The following C1orf21 variants were observed in gnomAD, a reference collection of about 807,000 sequenced individuals.
C1orf21 encodes chromosome 1 open reading frame 21.
In C1orf21, 3 loss-of-function variants were observed where a neutral mutation model predicts 18.7. The observed-to-expected ratio is 0.16, with a 90% CI of 0.07 to 0.42. The LOEUF (loss-of-function observed/expected upper bound fraction) is 0.42. C1orf21 is among the 10% of genes least tolerant of loss of function. The pLI is 0.99. For missense variants in C1orf21, 104 were observed against 143.6 expected (o/e 0.72, Z 1.41); for synonymous variants, 41 against 46.4 (o/e 0.88, Z 0.47).
At chr1:184,559,537 T>C (rs188323991) in intron 3 of C1orf21, among the ~76,000 whole-genome samples, 33 of 120,432 alleles carry the variant, frequency 2.7e-4, no homozygotes, top group African/African-American at 1.1e-3. Context: ...CTTCCTTCCT[T>C]CCTTCCTTCC....
intron 1 of C1orf21, among the ~76,000 whole-genome samples, chr1:184,392,819 CTTTTTTTTTTTT>C (rs397861528): frequency 1.0e-5 from 1 of 96,822 alleles, no homozygotes; most frequent in African/African-American, 4.1e-5. Flanking sequence ...GACATTCCTC[CTTTTTTTTTTTT>C]TTTTTTTTTT....
chr1:184,622,163 A>T lies in C1orf21; in HGVS notation c.*2607A>T, dbSNP rs1659926897. 6.6e-6 allele frequency: 1 copy of T among 152,252 alleles called. No individual in the cohort carries two copies. The highest frequency in any genetic ancestry group is 2.4e-5 in the African/African-American group (1 of 41,464). 9.4% of individuals were successfully genotyped at this position (152,252 alleles called of 1,614,324 possible). ...CACAATGAAAAGGATAATCCAATGT[A>T]CGTGCTGGTGCACTCTGCTAGTTGT... On this transcript the variant is annotated 3_prime_UTR_variant, in exon 6 of 6. Transcript: ENST00000235307.
chr1:184,595,455 A>C (rs184891043), intron 4 of C1orf21, among the ~76,000 whole-genome samples: 1 of 152,326 alleles, frequency 6.6e-6, no homozygotes, highest in Non-Finnish European at 1.5e-5. Flanking sequence ...AGGTAAACAC[A>C]TATTCATGGT....
At chr1:184,449,163 T>TA (rs1408368808) in intron 1 of C1orf21, among the ~76,000 whole-genome samples, 4 of 152,192 alleles carry the variant, frequency 2.6e-5, no homozygotes, top group East Asian at 1.9e-4. Context: ...ACTCGTCATT[T>TA]ACATTAGGTG....
intron 3 of C1orf21, among the ~76,000 whole-genome samples, chr1:184,514,368 C>G (rs890433041): frequency 3.9e-5 from 6 of 152,012 alleles, no homozygotes; most frequent in African/African-American, 1.4e-4. Flanking sequence ...GTATATATAC[C>G]TTTAACTCAC....
At chr1:184,396,677 G>A (rs769177809) in intron 1 of C1orf21, among the ~76,000 whole-genome samples, 20 of 151,976 alleles carry the variant, frequency 1.3e-4, no homozygotes, top group African/African-American at 1.9e-4. Flanking sequence ...TCATTTTCTC[G>A]GAATCATTCA....
In C1orf21 at chr1:184,627,421, A is replaced by G. The variant is rs904497033; in HGVS notation, c.*7865A>G. ...CAGAAACTCAAGAAAAAGCTCAAAC[A>G]GAAGACAGTTCCCCTGAGAGGCTGG... is the stretch of plus-strand genomic sequence containing the variant. On this transcript the variant is annotated 3_prime_UTR_variant, in exon 6 of 6. Transcript: ENST00000235307. 1.3e-5 allele frequency: 2 copies of G among 152,220 alleles called. No individual in the cohort carries two copies. Among genetic ancestry groups the G allele is most frequent in the African/African-American group, 4.8e-5 (2 of 41,428 alleles). The allele number at this position is 152,220 out of a possible 1,614,324, so 9.4% of individuals were successfully genotyped here. A position where few individuals can be genotyped will look rare whatever the true frequency, so the allele number is the denominator to read the frequency against.
intron 5 of C1orf21, among the ~76,000 whole-genome samples, chr1:184,604,116 G>A (rs533850969): frequency 1.3e-5 from 2 of 152,234 alleles, no homozygotes; most frequent in African/African-American, 2.4e-5. Flanking sequence ...TGGGTTCTAC[G>A]TGTAAACGAT....
At chr1:184,596,048 A>G (rs1443312345) in intron 4 of C1orf21, among the ~76,000 whole-genome samples, 2 of 152,172 alleles carry the variant, frequency 1.3e-5, no homozygotes, top group African/African-American at 2.4e-5. Context: ...CAAGCTCCTG[A>G]TAGGGATCCC....
chr1:184,489,171 G>T (rs1657777281), intron 2 of C1orf21, among the ~76,000 whole-genome samples: 1 of 152,086 alleles, frequency 6.6e-6, no homozygotes. Flanking sequence ...AAAGACAAAT[G>T]TCAAACTGAG....
chr1:184,620,307 C>CATTTTACT lies in C1orf21; in HGVS notation c.*752_*759dup, dbSNP rs1659897239. 1 of 152,472 alleles carries CATTTTACT rather than the reference C, an allele frequency of 6.6e-6. No homozygotes were observed. The highest frequency in any genetic ancestry group is 1.5e-5 in the Non-Finnish European group (1 of 68,014). The allele number at this position is 152,472 out of a possible 1,614,324, so 9.4% of individuals were successfully genotyped here. A position where few individuals can be genotyped will look rare whatever the true frequency, so the allele number is the denominator to read the frequency against. On this transcript the variant is annotated 3_prime_UTR_variant, in exon 6 of 6. Coordinates refer to ENST00000235307, the MANE Select transcript of C1orf21 (RefSeq NM_030806.4). ...TCACTTTTTTTTCTAAGAAAATAAA[C>CATTTTACT]ATTTTACTGTTTTTATGGATCCTTG... is the stretch of plus-strand genomic sequence containing the variant.
intron 2 of C1orf21, among the ~76,000 whole-genome samples, chr1:184,478,974 CATT>C (rs1657612867): frequency 6.6e-6 from 1 of 151,594 alleles, no homozygotes; most frequent in South Asian, 2.1e-4. Context: ...GCTTTTGGTT[CATT>C]GTAATGATTG....
chr1:184,614,491 T>C (rs1218294446), intron 5 of C1orf21, among the ~76,000 whole-genome samples: 1 of 138,188 alleles, frequency 7.2e-6, no homozygotes, highest in Non-Finnish European at 1.5e-5. Context: ...TGACACTGAA[T>C]GGCAAGGCCT....
At chr1:184,556,417 T>C (rs2101983908) in intron 3 of C1orf21, among the ~76,000 whole-genome samples, 1 of 152,264 alleles carries the variant, frequency 6.6e-6, no homozygotes, top group Admixed American at 6.5e-5. Flanking sequence ...GCTGTGTCTG[T>C]CATGGACCCA....
At chr1:184,557,817 C>A (rs1252057714) in intron 3 of C1orf21, among the ~76,000 whole-genome samples, 1 of 152,092 alleles carries the variant, frequency 6.6e-6, no homozygotes, top group African/African-American at 2.4e-5. Context: ...TTTGTTTTAA[C>A]ATAAAATACC....
intron 1 of C1orf21, among the ~76,000 whole-genome samples, chr1:184,473,477 A>G (rs942495325): frequency 1.3e-5 from 2 of 152,184 alleles, no homozygotes; most frequent in Non-Finnish European, 2.9e-5. Flanking sequence ...AAAAAAAAAA[A>G]TGCTGGAGTT....
intron 3 of C1orf21, chr1:184,539,878 C>G (rs889970430): frequency 2.0e-5 from 3 of 152,184 alleles, no homozygotes; most frequent in Non-Finnish European, 2.9e-5. Context: ...TTCTGCCTAC[C>G]ATGGTGACCT....
At chr1:184,521,531 A>T (rs1658306450) in intron 3 of C1orf21, among the ~76,000 whole-genome samples, 2 of 152,172 alleles carry the variant, frequency 1.3e-5, no homozygotes, top group Admixed American at 1.3e-4. Flanking sequence ...AAAGATACAC[A>T]CTGTATGATT....
At chr1:184,402,373 A>AG (rs1656170670) in intron 1 of C1orf21, among the ~76,000 whole-genome samples, 1 of 152,004 alleles carries the variant, frequency 6.6e-6, no homozygotes, top group African/African-American at 2.4e-5. Flanking sequence ...GCTTATTAAA[A>AG]GTCCATCTTT....
Sources: gnomAD v4.1 joint callset for allele counts (sites outside exome capture counted in the v4.1 genomes callset) on GRCh38, gnomAD v4.1.1 for gene constraint, MANE v1.5 for transcripts, NCBI Gene and HGNC (gene_info 2026-07-23, HGNC 2026-07-21) for gene names.